Variants in RNF32 observed in about 807,000 individuals in gnomAD.
The protein encoded by RNF32 is ring finger protein 32.
In RNF32, 36 loss-of-function variants were observed where a neutral mutation model predicts 41.0. The ratio of observed to expected loss-of-function variants is 0.88; its 90% confidence interval spans 0.67 to 1.16. RNF32 has a LOEUF of 1.16. RNF32 is among the 50% of genes most tolerant of loss of function. The pLI is 0.00. For synonymous variants in RNF32, 154 were observed against 160.9 expected (o/e 0.96, Z 0.32); for missense variants, 413 against 436.7 (o/e 0.95, Z 0.48).
intron 7 of RNF32, among the ~76,000 whole-genome samples, chr7:156,664,773 CTT>C (rs1455500818): frequency 6.6e-6 from 1 of 152,102 alleles, no homozygotes; most frequent in South Asian, 2.1e-4. Context: ...AGAAAAGACT[CTT>C]TTCATCTAGC....
intron 4 of RNF32, among the ~76,000 whole-genome samples, chr7:156,655,768 A>G (rs974776087): frequency 5.9e-5 from 9 of 151,990 alleles, no homozygotes; most frequent in African/African-American, 2.2e-4. Context: ...CCCTGAAACC[A>G]CAAATTGTCT....
chr7:156,667,755 T>C (rs1461944426), intron 7 of RNF32, among the ~76,000 whole-genome samples: 2 of 152,204 alleles, frequency 1.3e-5, no homozygotes, highest in Non-Finnish European at 2.9e-5. Flanking sequence ...TAAATGTTGA[T>C]TTGACTTCTA....
chr7:156,655,369 G>C (rs944667702), intron 4 of RNF32, among the ~76,000 whole-genome samples: 1 of 152,096 alleles, frequency 6.6e-6, no homozygotes, highest in African/African-American at 2.4e-5. Context: ...ATTGTCCCCT[G>C]AAGTTGGGGA....
At chr7:156,653,110 C>G (rs962136362) in intron 3 of RNF32, among the ~76,000 whole-genome samples, 1 of 152,104 alleles carries the variant, frequency 6.6e-6, no homozygotes, top group Non-Finnish European at 1.5e-5. Context: ...CACTGACTCA[C>G]CCAGAGCAAC....
At chr7:156,648,778 G>A (rs1798313418) in intron 3 of RNF32, among the ~76,000 whole-genome samples, 1 of 151,994 alleles carries the variant, frequency 6.6e-6, no homozygotes, top group Non-Finnish European at 1.5e-5. Context: ...AATATCTTCT[G>A]TTCTTTTACC....
chr7:156,673,359 C>T (rs1416971223), intron 7 of RNF32, among the ~76,000 whole-genome samples: 1 of 152,078 alleles, frequency 6.6e-6, no homozygotes, highest in East Asian at 1.9e-4. Context: ...AGTAATTTTT[C>T]CTTTTACAAT....
At chr7:156,647,714 G>C (rs1485433325) in intron 3 of RNF32, among the ~76,000 whole-genome samples, 8 of 152,190 alleles carry the variant, frequency 5.3e-5, no homozygotes, top group African/African-American at 1.9e-4. Flanking sequence ...GGGATTGCTG[G>C]ATCGAGGGAT....
At chr7:156,660,172 G>GC (rs1189774096) in intron 7 of RNF32, 6 of 985,394 alleles carry the variant, frequency 6.1e-6, no homozygotes, top group Non-Finnish European at 7.2e-6. Context: ...ACTCTTGCCC[G>GC]CCCCCGCATG....
intron 7 of RNF32, among the ~76,000 whole-genome samples, chr7:156,665,789 A>G (rs1801261418): frequency 6.6e-6 from 1 of 152,196 alleles, no homozygotes; most frequent in African/African-American, 2.4e-5. Context: ...TGGGGCTTCA[A>G]CAAAGTCAGT....
intron 7 of RNF32, among the ~76,000 whole-genome samples, chr7:156,668,011 C>A (rs1007167019): frequency 2.0e-5 from 3 of 152,296 alleles, no homozygotes; most frequent in Middle Eastern, 3.4e-3. Context: ...ATTTCTACTG[C>A]ACTCCTTTGG....
chr7:156,650,510 T>C (rs1002320414), intron 3 of RNF32, among the ~76,000 whole-genome samples: 3 of 152,228 alleles, frequency 2.0e-5, no homozygotes, highest in East Asian at 1.9e-4. Context: ...CATTATTACA[T>C]TGTGGCCAGA....
At chr7:156,640,299 G>C (rs560199955), upstream of RNF32, 1 of 450,548 alleles carries the variant, frequency 2.2e-6, no homozygotes, top group South Asian at 1.6e-5. Context: ...AACGACCACA[G>C]CCACCGCAGG....
chr7:156,655,918 T>C (rs1799598337), intron 4 of RNF32, among the ~76,000 whole-genome samples: 2 of 152,346 alleles, frequency 1.3e-5, no homozygotes, highest in South Asian at 4.1e-4. Context: ...AAAGTTACTA[T>C]CTTATGGGGA....
At chr7:156,675,133 G>GAGA (rs1310295318) in intron 7 of RNF32, among the ~76,000 whole-genome samples, 13 of 152,110 alleles carry the variant, frequency 8.5e-5, no homozygotes, top group Non-Finnish European at 1.3e-4. Flanking sequence ...AGAGGCAGCG[G>GAGA]CGACCCGAAG....
chr7:156,645,969 C>T (rs76780079), intron 3 of RNF32, among the ~76,000 whole-genome samples: 1,848 of 152,248 alleles, frequency 0.012, 41 homozygotes, highest in African/African-American at 0.042. Flanking sequence ...TAATGTCATT[C>T]TCTATAGAAA....
At chr7:156,643,080 T>G (rs1012367744) in intron 1 of RNF32, 2 of 152,226 alleles carry the variant, frequency 1.3e-5, no homozygotes. Context: ...GAAGCAAGAA[T>G]AACAAGAGTA....
chr7:156,664,813 C>T lies in RNF32; in HGVS notation c.684+6243C>T, dbSNP rs147037651. Among the ~76,000 whole-genome samples, 197 of 152,174 alleles carry T rather than the reference C, an allele frequency of 1.3e-3. 2 individuals are homozygous for T. The highest frequency in any genetic ancestry group is 4.7e-3 in the African/African-American group (194 of 41,524). On this transcript the variant is annotated intron_variant, in intron 7 of 8. Coordinates refer to ENST00000317955, the MANE Select transcript of RNF32 (RefSeq NM_030936.4). ...AATAGTATACTATTAACAAGTTTATCTAGTTTAATCTGGGCATAACATGTG... is the reference window on the plus strand; with the variant it reads ...AATAGTATACTATTAACAAGTTTATTTAGTTTAATCTGGGCATAACATGTG...
At chr7:156,651,211 ATTTC>A (rs1189247012) in intron 3 of RNF32, among the ~76,000 whole-genome samples, 35 of 142,924 alleles carry the variant, frequency 2.4e-4, no homozygotes, top group Non-Finnish European at 4.4e-4. Flanking sequence ...TATTTTTAAT[ATTTC>A]TTTTTTTTTT....
At chr7:156,658,342 C>T in intron 6 of RNF32, 90 bp downstream of exon 6, 1 of 1,571,368 alleles carries the variant, frequency 6.4e-7, no homozygotes, top group South Asian at 1.1e-5. Context: ...TTTTATCTCT[C>T]TTCTTGGCCA....
Sources: gnomAD v4.1 joint callset for allele counts (sites outside exome capture counted in the v4.1 genomes callset) on GRCh38, gnomAD v4.1.1 for gene constraint, MANE v1.5 for transcripts, NCBI Gene and HGNC (gene_info 2026-07-23, HGNC 2026-07-21) for gene names.